CLCC1: variants seen among roughly 807,000 people sequenced by gnomAD.
The protein encoded by CLCC1 is chloride channel CLIC like 1.
In CLCC1, 39 loss-of-function variants were observed where a neutral mutation model predicts 63.3. The observed-to-expected ratio is 0.62, with a 90% CI of 0.48 to 0.81. The LOEUF (loss-of-function observed/expected upper bound fraction) is 0.81, where lower values mean the gene tolerates loss of function less well. CLCC1 is among the 30% of genes least tolerant of loss of function. CLCC1 has a pLI of 0.00. For missense variants in CLCC1, 549 were observed against 669.4 expected (o/e 0.82, Z 1.98); for synonymous variants, 217 against 239.8 (o/e 0.90, Z 0.88).
rs1173611695 is a variant in CLCC1 at position 108,930,285 on chromosome 1, A to C, written c.*2262T>G. The C allele has an allele frequency of 4.9e-6, 1 of 202,614 alleles. No individual in the cohort carries two copies. The highest frequency in any genetic ancestry group is 1.0e-5 in the Non-Finnish European group (1 of 100,008). The allele number at this position is 202,614 out of a possible 1,614,324, so 12.6% of individuals were successfully genotyped here. A position where few individuals can be genotyped will look rare whatever the true frequency, so the allele number is the denominator to read the frequency against. ...TATGGAAATAATTTTTTAACATCTTAATTGACAATGGCGTTTTTTTATACA... is the reference window on the plus strand; with the variant it reads ...TATGGAAATAATTTTTTAACATCTTCATTGACAATGGCGTTTTTTTATACA... On this transcript the variant is annotated 3_prime_UTR_variant, in exon 13 of 13. Coordinates refer to ENST00000369969, the MANE Select transcript of CLCC1 (RefSeq NM_001377458.1).
At chr1:108,956,884 G>GCGGGGAAGCGGGGAGGCGGT in intron 2 of CLCC1, among the ~76,000 whole-genome samples, 1 of 144,534 alleles carries the variant, frequency 6.9e-6, no homozygotes, top group African/African-American at 2.6e-5. Context: ...TGGGAGGCAG[G>GCGGGGAAGCGGGGAGGCGGT]GAGGCGGGGA....
At position 108,929,664 on chromosome 1, in the gene CLCC1, C is replaced by T. The variant is rs752155776; in HGVS notation, c.*2883G>A. On this transcript the variant is annotated 3_prime_UTR_variant, in exon 13 of 13. Transcript: ENST00000369969. ...TAACATAGCTTGGTGCTTTCTTTCC[C>T]ACAGTATGTCTTTTAATCTCTCTCA... 1.2e-5 allele frequency: 20 copies of T among 1,604,192 alleles called. No homozygotes were observed. In the African/African-American group the frequency reaches 2.1e-4, roughly 17 times the overall value.
intron 9 of CLCC1, 82 bp from the exon 10 acceptor site, chr1:108,939,864 C>G (rs1653606547): frequency 7.0e-7 from 1 of 1,425,424 alleles, no homozygotes; most frequent in Non-Finnish European, 9.6e-7. Flanking sequence ...AGTACTGATG[C>G]TGAAAGTATG....
intron 12 of CLCC1, chr1:108,933,304 A>T (rs1440656817): frequency 4.4e-4 from 1 of 2,274 alleles, no homozygotes; most frequent in Non-Finnish European, 1.1e-3. Flanking sequence ...GCCTAAAATT[A>T]CATTGTTACA....
At chr1:108,961,292 A>AAAAC (rs760329516) in intron 2 of CLCC1, among the ~76,000 whole-genome samples, 16 of 151,428 alleles carry the variant, frequency 1.1e-4, no homozygotes, top group Non-Finnish European at 1.8e-4. Flanking sequence ...GTTAAAAAAA[A>AAAAC]AAAAAAACGA....
At chr1:108,948,894 C>T (rs1051148428) in intron 4 of CLCC1, among the ~76,000 whole-genome samples, 2 of 151,918 alleles carry the variant, frequency 1.3e-5, no homozygotes, top group Non-Finnish European at 2.9e-5. Context: ...TTTATCCAAG[C>T]GCACCTTCTC....
intron 6 of CLCC1, 75 bp from the exon 7 acceptor site, chr1:108,943,690 C>CA (rs1388696513): frequency 1.9e-6 from 3 of 1,573,194 alleles, no homozygotes; most frequent in Non-Finnish European, 2.6e-6. Context: ...CTCAAAAGCA[C>CA]AAAATCATTT....
chr1:108,959,493 G>GA (rs1312812693), intron 2 of CLCC1, among the ~76,000 whole-genome samples: 1 of 152,170 alleles, frequency 6.6e-6, no homozygotes, highest in Non-Finnish European at 1.5e-5. Context: ...CACCTCAAGT[G>GA]AAAAAATTCC....
At position 108,930,582 on chromosome 1, in the gene CLCC1, C is replaced by T. The variant is rs1651778822; in HGVS notation, c.*1965G>A. ...AGACCAACCTGGGCAACATAGACCC[C>T]CGTGTCTATGAAAAATAAATCAGCA... is the stretch of plus-strand genomic sequence containing the variant. On this transcript the variant is annotated 3_prime_UTR_variant, in exon 13 of 13. Transcript: ENST00000369969. The T allele has an allele frequency of 6.6e-6, 1 of 150,450 alleles. No individual in the cohort carries two copies. Among genetic ancestry groups the T allele is most frequent in the African/African-American group, 2.5e-5 (1 of 40,458 alleles). The allele number at this position is 150,450 out of a possible 1,614,324, so 9.3% of individuals were successfully genotyped here.
At chr1:108,941,804 C>CT (rs1217539768) in intron 7 of CLCC1, among the ~76,000 whole-genome samples, 4 of 152,218 alleles carry the variant, frequency 2.6e-5, no homozygotes, top group Admixed American at 1.3e-4. Flanking sequence ...AAGGTGCCCG[C>CT]TACCACGCCC....
At chr1:108,957,879 G>C (rs1216397195) in intron 2 of CLCC1, among the ~76,000 whole-genome samples, 1 of 151,358 alleles carries the variant, frequency 6.6e-6, no homozygotes, top group African/African-American at 2.5e-5. Context: ...AAGATCACCA[G>C]AAGATTTATT....
intron 7 of CLCC1, 148 bp from the exon 8 acceptor site, chr1:108,941,646 A>C: frequency 2.2e-6 from 1 of 463,544 alleles, no homozygotes; most frequent in Non-Finnish European, 3.7e-6. Context: ...ACATATTATT[A>C]TTACTATTTT....
rs540186338 is a variant in CLCC1 at position 108,943,533 on chromosome 1, C to T, written c.644G>A (p.Arg215His). ...GAACAGAAAGCTGATGATTAAAACA[C>T]GTCTCAACTGAGTGTACCAACGTAC... Reference protein sequence around the residue: ...TYVRWYTQLRRVLIISFLFSL... With the variant: ...TYVRWYTQLRHVLIISFLFSL... The change falls in exon 7 of 13, where the codon CGT (arginine) becomes CAT (histidine). Residue 215 changes from arginine (R) to histidine (H), a missense_variant. Arg to His is a conservative substitution (Grantham distance 29). Transcript: ENST00000369969. 24 of 1,614,064 alleles carry T rather than the reference C, an allele frequency of 1.5e-5. No homozygotes were observed. The highest frequency in any genetic ancestry group is 1.7e-5 in the Admixed American group (1 of 60,022).
At chr1:108,933,417 G>A (rs1466179220) in intron 12 of CLCC1, 1 of 129,372 alleles carries the variant, frequency 7.7e-6, no homozygotes, top group African/African-American at 3.0e-5. Flanking sequence ...TGCTAGGACT[G>A]TAGGCATGAG....
In CLCC1 at chr1:108,950,465, T is replaced by C; in HGVS notation, c.-11-17A>G. ...TGTATAAGGCTAAAACAATTTTTAA[T>C]ATATATAATGAAATAGAATTATTTT... On this transcript the variant is annotated splice_polypyrimidine_tract_variant and intron_variant, in intron 2 of 12. Transcript: ENST00000369969. The C allele has an allele frequency of 7.0e-7, 1 of 1,422,584 alleles. No individual in the cohort carries two copies. The highest frequency in any genetic ancestry group is 1.5e-5 in the South Asian group (1 of 64,534). The allele number at this position is 1,422,584 out of a possible 1,614,324, so 88.1% of individuals were successfully genotyped here.
chr1:108,932,411 TTAAG>T lies in CLCC1; in HGVS notation c.*132_*135del, dbSNP rs1173522808. The T allele has an allele frequency of 6.6e-6, 1 of 152,240 alleles. No individual in the cohort carries two copies. The highest frequency in any genetic ancestry group is 2.4e-5 in the African/African-American group (1 of 41,458). The allele number at this position is 152,240 out of a possible 1,614,324, so 9.4% of individuals were successfully genotyped here. A position where few individuals can be genotyped will look rare whatever the true frequency, so the allele number is the denominator to read the frequency against. On this transcript the variant is annotated 3_prime_UTR_variant, in exon 13 of 13. Coordinates refer to ENST00000369969, the MANE Select transcript of CLCC1 (RefSeq NM_001377458.1). ...CGATGTGTTCAATTTGCTTTCATAT[TTAAG>T]TCTTTCCTGAATTGCTGTCATCATT... is the stretch of plus-strand genomic sequence containing the variant.
rs374147954 is a variant in CLCC1 at position 108,950,264 on chromosome 1, G to A, written c.129+45C>T. ...AACAGAGCTAGACTGTTTCCATCAT[G>A]GGACTGATAAGGTCTCACACACATG... On this transcript the variant is annotated intron_variant, in intron 3 of 12. Coordinates refer to ENST00000369969, the MANE Select transcript of CLCC1 (RefSeq NM_001377458.1). The A allele has an allele frequency of 1.5e-5, 24 of 1,573,284 alleles. No individual in the cohort carries two copies. In the African/African-American group the frequency reaches 3.1e-4, roughly 21 times the overall value.
chr1:108,938,282 C>G (rs1653313448), intron 10 of CLCC1, among the ~76,000 whole-genome samples: 1 of 152,100 alleles, frequency 6.6e-6, no homozygotes, highest in Non-Finnish European at 1.5e-5. Flanking sequence ...AAGACAAAAG[C>G]AGCAAAAGTC....
At chr1:108,952,580 C>G (rs1396609639) in intron 2 of CLCC1, among the ~76,000 whole-genome samples, 1 of 141,906 alleles carries the variant, frequency 7.0e-6, no homozygotes, top group Non-Finnish European at 1.5e-5. Context: ...GGGCGGATTA[C>G]TTGAGGCCAG....
Sources: allele counts gnomAD v4.1 joint callset (sites outside exome capture counted in the v4.1 genomes callset), GRCh38; gene constraint gnomAD v4.1.1; transcripts MANE v1.5; gene names NCBI Gene and HGNC (gene_info 2026-07-23, HGNC 2026-07-21).